Variants in DAB1 observed in about 807,000 individuals in gnomAD.
DAB1 encodes disabled homolog 1.
A neutral mutation model predicts 64.6 loss-of-function variants in DAB1; 15 were observed. The observed-to-expected ratio is 0.23, with a 90% CI of 0.16 to 0.36. The LOEUF (loss-of-function observed/expected upper bound fraction) is 0.36. DAB1 is among the 10% of genes least tolerant of loss of function. DAB1 has a pLI of 1.00. For synonymous variants in DAB1, 235 were observed against 251.9 expected, an observed-to-expected ratio of 0.93 and a Z score of 0.64; for missense variants, 596 against 706.7, an observed-to-expected ratio of 0.84 and a Z score of 1.78.
chr1:57,305,686 T>A lies in DAB1; in HGVS notation c.-136-14520A>T, dbSNP rs61767401. Among the ~76,000 whole-genome samples, 1,254 of 152,008 alleles carry A rather than the reference T, an allele frequency of 8.2e-3. 32 individuals are homozygous for A. Among genetic ancestry groups the A allele is most frequent in the East Asian group, 0.081 (420 of 5,156 alleles). On this transcript the variant is annotated intron_variant, in intron 1 of 14. Transcript: ENST00000371236. ...GGGAGAAATGAAGAAAAGAAAACAATGGGCCAGGCGCAGTGGCTCACACCT... is the reference window on the plus strand; with the variant it reads ...GGGAGAAATGAAGAAAAGAAAACAAAGGGCCAGGCGCAGTGGCTCACACCT...
chr1:57,335,331 A>G (rs1676994531), intron 1 of DAB1, among the ~76,000 whole-genome samples: 1 of 152,202 alleles, frequency 6.6e-6, no homozygotes, highest in African/African-American at 2.4e-5. Flanking sequence ...AAATGCTAAC[A>G]TGCTGACTGC....
chr1:57,614,831 C>T (rs1303934245), intron 7 of DAB1, among the ~76,000 whole-genome samples: 2 of 148,078 alleles, frequency 1.4e-5, no homozygotes, highest in Non-Finnish European at 1.5e-5. Context: ...TTGATTTCTC[C>T]TCATTATCCA....
At chr1:57,766,266 T>TA (rs59419561) in intron 6 of DAB1, among the ~76,000 whole-genome samples, 93 of 141,570 alleles carry the variant, frequency 6.6e-4, no homozygotes, top group East Asian at 2.0e-3. Context: ...GCAGGCAGAT[T>TA]AAAAAAAAAA....
At chr1:58,362,241 A>G (rs1025500426) in intron 3 of DAB1, among the ~76,000 whole-genome samples, 3 of 152,190 alleles carry the variant, frequency 2.0e-5, no homozygotes, top group African/African-American at 7.2e-5. Context: ...TGATTGATCC[A>G]GATGTGGCAT....
intron 6 of DAB1, among the ~76,000 whole-genome samples, chr1:57,708,409 G>T (rs1646991628): frequency 6.6e-6 from 1 of 152,210 alleles, no homozygotes; most frequent in Non-Finnish European, 1.5e-5. Context: ...GAGCTGTACT[G>T]CCTGAATTGG....
At chr1:58,487,730 G>A (rs1275898194) in intron 3 of DAB1, among the ~76,000 whole-genome samples, 1 of 152,052 alleles carries the variant, frequency 6.6e-6, no homozygotes, top group Non-Finnish European at 1.5e-5. Context: ...AATTTGAGAA[G>A]CTTCATTCTA....
intron 2 of DAB1, among the ~76,000 whole-genome samples, chr1:58,522,223 T>C (rs1157675636): frequency 6.6e-6 from 1 of 152,160 alleles, no homozygotes; most frequent in Non-Finnish European, 1.5e-5. Flanking sequence ...CTGGGCTTAA[T>C]ACCTAGGTGA....
intron 3 of DAB1, among the ~76,000 whole-genome samples, chr1:58,496,012 T>A (rs1049693369): frequency 3.3e-5 from 5 of 152,174 alleles, no homozygotes; most frequent in African/African-American, 1.2e-4. Flanking sequence ...TCTGGGAATC[T>A]CCTAAAAACC....
intron 4 of DAB1, among the ~76,000 whole-genome samples, chr1:58,168,500 C>T (rs1237603402): frequency 6.6e-6 from 1 of 152,154 alleles, no homozygotes; most frequent in Non-Finnish European, 1.5e-5. Context: ...CACTCCCTGT[C>T]TCTGGTGCTT....
chr1:57,730,882 G>A (rs1159050177), intron 6 of DAB1, among the ~76,000 whole-genome samples: 1 of 152,216 alleles, frequency 6.6e-6, no homozygotes, highest in Non-Finnish European at 1.5e-5. Context: ...TGATGGGAAT[G>A]TAAAAGGGTG....
At chr1:57,168,931 C>T (rs375375687) in intron 2 of DAB1, among the ~76,000 whole-genome samples, 1 of 152,192 alleles carries the variant, frequency 6.6e-6, no homozygotes, top group East Asian at 1.9e-4. Flanking sequence ...GTGGCATGTG[C>T]CATAGTCCCA....
rs146465598 is a variant in DAB1 at position 57,176,970 on chromosome 1, T to TACAAAAAAAAA, written c.68-31542_68-31541insTTTTTTTTTGT. 4.6e-4 allele frequency among the ~76,000 whole-genome samples: 28 copies of TACAAAAAAAAA among 61,032 alleles called. 3 individuals carry two copies. The highest frequency in any genetic ancestry group is 9.7e-4 in the African/African-American group (25 of 25,672). The allele number at this position is 61,032 out of a possible 152,430, so 40.0% of individuals were successfully genotyped here. On this transcript the variant is annotated intron_variant, in intron 2 of 14. Coordinates refer to ENST00000371236, the MANE Select transcript of DAB1 (RefSeq NM_001365792.1). The stretch of plus-strand genomic sequence containing the variant: ...GATAAAAAAAAGAAGCAGCAGCAGA[T>TACAAAAAAAAA]ATAAAAAAAAAAAAAAAAAAAAGCC...
intron 7 of DAB1, among the ~76,000 whole-genome samples, chr1:57,511,923 AC>A (rs1418024654): frequency 6.6e-6 from 1 of 152,084 alleles, no homozygotes; most frequent in East Asian, 1.9e-4. Context: ...CACCTCTATC[AC>A]AACACTAGTG....
At chr1:57,378,284 C>G (rs544753252) in intron 1 of DAB1, among the ~76,000 whole-genome samples, 1 of 152,286 alleles carries the variant, frequency 6.6e-6, no homozygotes, top group East Asian at 1.9e-4. Flanking sequence ...TATATTATCA[C>G]CCACATTCCC....
intron 2 of DAB1, among the ~76,000 whole-genome samples, chr1:57,270,316 AT>A (rs1450365445): frequency 6.6e-6 from 1 of 152,230 alleles, no homozygotes; most frequent in African/African-American, 2.4e-5. Flanking sequence ...AGACAGTAGT[AT>A]TTTTACTTTA....
intron 9 of DAB1, among the ~76,000 whole-genome samples, chr1:57,054,225 A>G (rs1432255724): frequency 1.3e-5 from 2 of 152,180 alleles, no homozygotes; most frequent in African/African-American, 4.8e-5. Flanking sequence ...AAGTTGCACT[A>G]AGGTTAAAGT....
intron 3 of DAB1, among the ~76,000 whole-genome samples, chr1:58,345,716 G>T (rs1643988539): frequency 6.6e-6 from 1 of 151,964 alleles, no homozygotes; most frequent in South Asian, 2.1e-4. Context: ...CCTCTCCTGA[G>T]CTTCCCTCGT....
At chr1:57,500,825 T>G (rs1039659287) in intron 7 of DAB1, among the ~76,000 whole-genome samples, 1 of 152,220 alleles carries the variant, frequency 6.6e-6, no homozygotes, top group Admixed American at 6.5e-5. Flanking sequence ...TTCCTTTGCC[T>G]AAGAAAGCAG....
chr1:58,015,867 A>G (rs1646730724), intron 5 of DAB1, among the ~76,000 whole-genome samples: 1 of 152,182 alleles, frequency 6.6e-6, no homozygotes. Context: ...AAGAGATACA[A>G]ACGGAAGCTG....
Sources: gnomAD v4.1 joint callset for allele counts (sites outside exome capture counted in the v4.1 genomes callset) on GRCh38, gnomAD v4.1.1 for gene constraint, MANE v1.5 for transcripts, NCBI Gene and HGNC (gene_info 2026-07-23, HGNC 2026-07-21) for gene names.